KPNA1: variants seen among roughly 807,000 people sequenced by gnomAD.
KPNA1 encodes the protein importin subunit alpha-5.
KPNA1 carries 10 observed loss-of-function variants against 70.5 expected under a neutral mutation model. The ratio of observed to expected loss-of-function variants is 0.14; its 90% CI spans 0.09 to 0.24. The LOEUF (loss-of-function observed/expected upper bound fraction) is 0.24. KPNA1 is among the 10% of genes least tolerant of loss of function. KPNA1 has a pLI of 1.00. For synonymous variants in KPNA1, 192 were observed against 221.9 expected (o/e 0.87, Z 1.20); for missense variants, 397 against 637.9 (o/e 0.62, Z 4.07).
chr3:122,453,752 G>C (rs1292022493), intron 6 of KPNA1, 118 bp downstream of exon 6: 5 of 878,782 alleles, frequency 5.7e-6, no homozygotes, highest in Non-Finnish European at 8.4e-6. Flanking sequence ...GGCTAGGCTG[G>C]TCTCGAACTC....
At position 122,435,901 on chromosome 3, in the gene KPNA1, C is replaced by T. The variant is rs147935205; in HGVS notation, c.1122+1269G>A. Among the ~76,000 whole-genome samples, 1,014 of 152,148 alleles carry T rather than the reference C, an allele frequency of 6.7e-3. 5 individuals carry two copies. Among genetic ancestry groups the T allele is most frequent in the African/African-American group, 0.023 (971 of 41,494 alleles). ...GTTTAAACAATATGAAATCTGGGCA[C>T]CTTGAAAAAAGAAGAGGATAACAGC... On this transcript the variant is annotated intron_variant, in intron 11 of 13. Transcript: ENST00000344337.
intron 5 of KPNA1, among the ~76,000 whole-genome samples, chr3:122,457,394 GA>G (rs34857537): frequency 0.29 from 34,284 of 118,024 alleles, 4,261 homozygotes; most frequent in Non-Finnish European, 0.36. Flanking sequence ...ATTAACCTGG[GA>G]AAAAAAAAAA....
intron 3 of KPNA1, among the ~76,000 whole-genome samples, chr3:122,465,069 A>G (rs1366954333): frequency 6.6e-6 from 1 of 152,138 alleles, no homozygotes; most frequent in Non-Finnish European, 1.5e-5. Context: ...TCCCTCTCTC[A>G]TCCTCTTATA....
chr3:122,429,319 C>T lies in KPNA1; in HGVS notation c.1251-1603G>A, dbSNP rs146897964. Reference sequence around the variant, plus strand: ...TACAAAAATTAGCCAGACATGGCAGCGGGCACCTGTATTCCCAGCTACTTG... The same window carrying T: ...TACAAAAATTAGCCAGACATGGCAGTGGGCACCTGTATTCCCAGCTACTTG... On this transcript the variant is annotated intron_variant, in intron 12 of 13. Coordinates refer to ENST00000344337, the MANE Select transcript of KPNA1 (RefSeq NM_002264.4). Among the ~76,000 whole-genome samples the T allele has an allele frequency of 5.3e-5, 8 of 151,890 alleles. No homozygotes were observed. The East Asian group carries it at 9.7e-4, about 18-fold the overall frequency.
rs1339410269 is a variant in KPNA1, at chr3:122,426,990, G to T, written c.1612C>A (p.Leu538Ile). The T allele has an allele frequency of 1.9e-6, 3 of 1,613,842 alleles. No individual in the cohort carries two copies. In the South Asian group the frequency reaches 3.3e-5, roughly 18 times the overall value. ...CGTGAAAGCAGAGTATTGCTTCAAAGCTGGAAACCTTCCATAGGAGCCTCA... is the reference window on the plus strand; with the variant it reads ...CGTGAAAGCAGAGTATTGCTTCAAATCTGGAAACCTTCCATAGGAGCCTCA... ...QCEAPMEGFQ[L>I] The change falls in exon 14 of 14, where the codon CTT (leucine) becomes ATT (isoleucine). Residue 538 changes from leucine to isoleucine, a missense_variant. Physicochemically the swap from Leu to Ile is conservative, Grantham distance 5. Coordinates refer to ENST00000344337, the MANE Select transcript of KPNA1 (RefSeq NM_002264.4).
intron 1 of KPNA1, 112 bp from the exon 2 acceptor site, chr3:122,496,682 A>G: frequency 1.1e-6 from 1 of 945,800 alleles, no homozygotes; most frequent in South Asian, 1.7e-5. Flanking sequence ...AAGGGACATC[A>G]GAAATGGCTA....
intron 13 of KPNA1, 163 bp from the exon 14 acceptor site, chr3:122,427,335 C>T: frequency 1.4e-6 from 1 of 728,828 alleles, no homozygotes; most frequent in Non-Finnish European, 2.2e-6. Context: ...ACAGAAATGA[C>T]TGCTGGGATT....
chr3:122,422,692 G>C lies in KPNA1; in HGVS notation c.*4293C>G, dbSNP rs1020073528. ...CTAAGTGTTGTAACCTTGGGGCAAA[G>C]TAATTTCTCGTAAGTCTTCACTTTG... On this transcript the variant is annotated 3_prime_UTR_variant, in exon 14 of 14. Transcript: ENST00000344337. The C allele has an allele frequency of 2.2e-4, 33 of 152,204 alleles. No homozygotes were observed. The highest frequency in any genetic ancestry group is 8.0e-4 in the African/African-American group (33 of 41,450). The allele number at this position is 152,204 out of a possible 1,614,324, so 9.4% of individuals were successfully genotyped here.
rs1560027964 is a variant in KPNA1 at position 122,452,002 on chromosome 3, G to A, written c.627C>T (p.Asp209=). ...DSTMCRDYVL[D]CNILPPLLQL... ...GCAAAAGAGGGGGAAGGATATTGCA[G>A]TCTAAGACATAGTCCCTGCACATGG... The change falls in exon 7 of 14, where the codon GAC becomes GAT. Residue 209 remains aspartate (D), a synonymous_variant. Transcript: ENST00000344337. 6.2e-7 allele frequency: 1 copy of A among 1,607,726 alleles called. No homozygotes were observed. The highest frequency in any genetic ancestry group is 1.7e-5 in the Admixed American group (1 of 59,002).
chr3:122,457,065 C>T (rs2076272351), intron 5 of KPNA1, among the ~76,000 whole-genome samples: 1 of 152,116 alleles, frequency 6.6e-6, no homozygotes, highest in African/African-American at 2.4e-5. Flanking sequence ...AACAGAATTT[C>T]CCTGAGTATA....
At chr3:122,489,830 C>A (rs866218882) in intron 2 of KPNA1, among the ~76,000 whole-genome samples, 1 of 152,148 alleles carries the variant, frequency 6.6e-6, no homozygotes, top group Non-Finnish European at 1.5e-5. Context: ...AGCTCCATTT[C>A]GGTATACAGC....
intron 5 of KPNA1, chr3:122,457,757 T>C (rs1360564781): frequency 1.6e-6 from 2 of 1,289,572 alleles, no homozygotes; most frequent in Non-Finnish European, 1.0e-6. Flanking sequence ...CAGGTTGAGG[T>C]ACGCCTGGTT....
intron 2 of KPNA1, among the ~76,000 whole-genome samples, chr3:122,485,620 T>TAA (rs2076620654): frequency 6.6e-6 from 1 of 152,192 alleles, no homozygotes; most frequent in Non-Finnish European, 1.5e-5. Context: ...TCGACTCAGT[T>TAA]AAAAAATTTA....
intron 5 of KPNA1, among the ~76,000 whole-genome samples, chr3:122,455,850 C>T (rs1011531273): frequency 6.6e-6 from 1 of 152,128 alleles, no homozygotes; most frequent in African/African-American, 2.4e-5. Context: ...GCCACCGCAC[C>T]CGGCCACTTT....
intron 1 of KPNA1, among the ~76,000 whole-genome samples, chr3:122,498,741 C>G (rs1031580797): frequency 6.6e-6 from 1 of 152,098 alleles, no homozygotes; most frequent in East Asian, 1.9e-4. Flanking sequence ...TAATTGATCC[C>G]TTGCAATTCC....
At chr3:122,438,365 A>G (rs2076016993) in intron 10 of KPNA1, among the ~76,000 whole-genome samples, 1 of 150,034 alleles carries the variant, frequency 6.7e-6, no homozygotes, top group Non-Finnish European at 1.5e-5. Flanking sequence ...TTTATAAACT[A>G]CTCAGTCTTC....
chr3:122,499,819 T>G (rs1204764025), intron 1 of KPNA1, among the ~76,000 whole-genome samples: 1 of 152,182 alleles, frequency 6.6e-6, no homozygotes, highest in Non-Finnish European at 1.5e-5. Flanking sequence ...TGTCTGGCTT[T>G]GGTATCAGAG....
chr3:122,507,547 A>G (rs1243801083), intron 1 of KPNA1, among the ~76,000 whole-genome samples: 13 of 152,132 alleles, frequency 8.5e-5, no homozygotes, highest in Admixed American at 8.5e-4. Flanking sequence ...CTGATTATAC[A>G]AGAAAAAAAC....
Position 122,424,483 on chromosome 3 carries a change from TAAAAA to T in KPNA1, c.*2497_*2501del, listed in dbSNP as rs1356966724. On this transcript the variant is annotated 3_prime_UTR_variant, in exon 14 of 14. Transcript: ENST00000344337. ...CTTTAAGAAAAAATCATTTTATTGT[TAAAAA>T]AGAAAAAAAAACTTAGATCTTATAG... 6.6e-6 allele frequency: 1 copy of T among 152,106 alleles called. No homozygotes were observed. 9.4% of individuals were successfully genotyped at this position (152,106 alleles called of 1,614,324 possible).
Sources: allele counts gnomAD v4.1 joint callset (sites outside exome capture counted in the v4.1 genomes callset), GRCh38; gene constraint gnomAD v4.1.1; transcripts MANE v1.5; gene names NCBI Gene and HGNC (gene_info 2026-07-23, HGNC 2026-07-21).